CAPN2: variants seen among roughly 807,000 people sequenced by gnomAD.
CAPN2 encodes the protein calpain-2 catalytic subunit.
CAPN2 carries 92 observed loss-of-function variants against 102.3 expected under a neutral mutation model. The observed-to-expected ratio is 0.90, with a 90% CI of 0.76 to 1.07. The LOEUF (loss-of-function observed/expected upper bound fraction) is 1.07. Ranked by LOEUF, CAPN2 falls within the 50% of genes least tolerant of loss-of-function variation. CAPN2 has a pLI of 0.00. For missense variants in CAPN2, 800 were observed against 909.4 expected (o/e 0.88, Z 1.55); for synonymous variants, 340 against 355.4 (o/e 0.96, Z 0.49).
intron 20 of CAPN2, among the ~76,000 whole-genome samples, 155 bp from the exon 21 acceptor site, chr1:223,774,679 A>AAATC (rs1558082046): frequency 6.6e-6 from 1 of 152,254 alleles, no homozygotes; most frequent in African/African-American, 2.4e-5. Flanking sequence ...TAGACTCTAG[A>AAATC]AATCAGGTAA....
rs367779420 is a variant in CAPN2, at chr1:223,731,455, C to T, written c.308-12645C>T. Among the ~76,000 whole-genome samples the T allele has an allele frequency of 9.9e-5, 15 of 152,050 alleles. No homozygotes were observed. Among genetic ancestry groups the T allele is most frequent in the African/African-American group, 3.6e-4 (15 of 41,394 alleles). ...CCCTGCTCTTCCTCACCCAGCTCCC[C>T]GCTCTAAGCCTTCCTCGCCCACCCC... On this transcript the variant is annotated intron_variant, in intron 2 of 20. Transcript: ENST00000295006. The surrounding 1 kb of genome is among the most constrained non-coding windows in gnomAD (Gnocchi z 4.2).
intron 2 of CAPN2, among the ~76,000 whole-genome samples, chr1:223,735,947 T>G (rs1321269351): frequency 6.6e-6 from 1 of 152,174 alleles, no homozygotes; most frequent in Non-Finnish European, 1.5e-5. Context: ...GCTCAGCTAA[T>G]TTTTGTATCT....
In CAPN2 at chr1:223,775,657, AC is replaced by A. The variant is rs1218447014; in HGVS notation, c.*802del. 6.6e-6 allele frequency: 1 copy of A among 152,614 alleles called. No homozygotes were observed. Among genetic ancestry groups the A allele is most frequent in the Non-Finnish European group, 1.5e-5 (1 of 68,024 alleles). 9.5% of individuals were successfully genotyped at this position (152,614 alleles called of 1,614,324 possible). A position where few individuals can be genotyped will look rare whatever the true frequency, so the allele number is the denominator to read the frequency against. On this transcript the variant is annotated 3_prime_UTR_variant, in exon 21 of 21. Transcript: ENST00000295006. ...ACCTCAAAACTTTATGAACTTCACC[AC>A]CACTAGTGTCTGTCCATGGAGTTAG...
In CAPN2 at chr1:223,751,064, A is replaced by G. The variant is rs1418538739; in HGVS notation, c.899+89A>G. On this transcript the variant is annotated intron_variant, in intron 7 of 20. Transcript: ENST00000295006. ...GAGGGCGAGAGAAGAAGACATGTGC[A>G]TTATTCTGAGAAATATAGCCAGGAG... 11 of 1,142,002 alleles carry G rather than the reference A, an allele frequency of 9.6e-6. No individual in the cohort carries two copies. In the East Asian group the frequency reaches 1.3e-4, roughly 13 times the overall value. 70.7% of individuals were successfully genotyped at this position (1,142,002 alleles called of 1,614,324 possible). A position where few individuals can be genotyped will look rare whatever the true frequency, so the allele number is the denominator to read the frequency against.
chr1:223,750,802 C>G (rs780583710), intron 6 of CAPN2, 88 bp from the exon 7 acceptor site: 131 of 1,231,188 alleles, frequency 1.1e-4, no homozygotes, highest in Non-Finnish European at 1.4e-4. Context: ...TACCTCCTGG[C>G]TCATGCGGAA....
At position 223,775,055 on chromosome 1, in the gene CAPN2, CATT is replaced by C. The variant is rs1661580702; in HGVS notation, c.*201_*203del. 4 of 591,972 alleles carry C rather than the reference CATT, an allele frequency of 6.8e-6. No individual in the cohort carries two copies. Among genetic ancestry groups the C allele is most frequent in the Admixed American group, 3.1e-5 (1 of 31,770 alleles). 36.7% of individuals were successfully genotyped at this position (591,972 alleles called of 1,614,324 possible). On this transcript the variant is annotated 3_prime_UTR_variant, in exon 21 of 21. Coordinates refer to ENST00000295006, the MANE Select transcript of CAPN2 (RefSeq NM_001748.5). ...ACATCAAAGTAAAAGATTTGCATAT[CATT>C]ATACTAAATGCAAATGAGTCGCTTA... is the stretch of plus-strand genomic sequence containing the variant.
At chr1:223,762,337 AGGG>A in intron 14 of CAPN2, 86 bp downstream of exon 14, 1 of 1,079,686 alleles carries the variant, frequency 9.3e-7, no homozygotes, top group South Asian at 1.3e-5. Context: ...TTTAGTTTAA[AGGG>A]GAGAGGAAAC....
In CAPN2 at chr1:223,737,389, C is replaced by T. The variant is rs182515421; in HGVS notation, c.308-6711C>T. 2.6e-3 allele frequency among the ~76,000 whole-genome samples: 400 copies of T among 152,258 alleles called. 1 individual carries two copies. Among genetic ancestry groups the T allele is most frequent in the African/African-American group, 9.3e-3 (385 of 41,532 alleles). Reference sequence around the variant, plus strand: ...CTCCAGGCAGGGCCTCATCTGCTGCCGTTAGTAATAAACATGGCCAGCAAC... The same window carrying T: ...CTCCAGGCAGGGCCTCATCTGCTGCTGTTAGTAATAAACATGGCCAGCAAC... On this transcript the variant is annotated intron_variant, in intron 2 of 20. Transcript: ENST00000295006.
chr1:223,758,952 A>G (rs1225912422), intron 11 of CAPN2: 1 of 364,478 alleles, frequency 2.7e-6, no homozygotes, highest in Non-Finnish European at 5.2e-6. Context: ...CAGCCTCCCA[A>G]AGTGCTGGTA....
Position 223,759,057 on chromosome 1 carries a change from T to C in CAPN2, c.1318-213T>C, listed in dbSNP as rs1661116582. ...GTACTGCTATTTTTTTAAAAAAATT[T>C]TGTTGTTTTGTTGTTGTTGTCGTCG... On this transcript the variant is annotated intron_variant, in intron 11 of 20. Coordinates refer to ENST00000295006, the MANE Select transcript of CAPN2 (RefSeq NM_001748.5). The surrounding 1 kb of genome is among the most constrained non-coding windows in gnomAD (Gnocchi z 4.6). 1.7e-6 allele frequency: 1 copy of C among 585,418 alleles called. No homozygotes were observed. Among genetic ancestry groups the C allele is most frequent in the Non-Finnish European group, 3.1e-6 (1 of 327,260 alleles). 36.3% of individuals were successfully genotyped at this position (585,418 alleles called of 1,614,324 possible).
intron 2 of CAPN2, among the ~76,000 whole-genome samples, chr1:223,718,545 G>A (rs35197527): frequency 4.3e-3 from 654 of 152,352 alleles, no homozygotes; most frequent in Non-Finnish European, 5.3e-3. Context: ...AATGGGGCCT[G>A]GCGCTGTTAT....
At chr1:223,768,034 G>A (rs1434462888) in intron 16 of CAPN2, among the ~76,000 whole-genome samples, 1 of 151,126 alleles carries the variant, frequency 6.6e-6, no homozygotes, top group Non-Finnish European at 1.5e-5. Context: ...TTTTGATGGG[G>A]TTGTTTGTTT....
chr1:223,722,344 G>A (rs1284510248), intron 2 of CAPN2, among the ~76,000 whole-genome samples: 1 of 118,456 alleles, frequency 8.4e-6, no homozygotes, highest in African/African-American at 3.3e-5. Flanking sequence ...CTAAAGTGCA[G>A]TAACAAAACC....
At chr1:223,730,772 C>T (rs1660319620) in intron 2 of CAPN2, among the ~76,000 whole-genome samples, 2 of 152,206 alleles carry the variant, frequency 1.3e-5, no homozygotes, top group Admixed American at 1.3e-4. Flanking sequence ...ACCTTGGAAT[C>T]CCCTTGACTA....
At chr1:223,761,094 A>G (rs552116523) in intron 12 of CAPN2, among the ~76,000 whole-genome samples, 30 of 152,366 alleles carry the variant, frequency 2.0e-4, no homozygotes, top group African/African-American at 6.0e-4. Context: ...CAGAACAAGT[A>G]GGCGATGATT....
intron 18 of CAPN2, 164 bp from the exon 19 acceptor site, chr1:223,771,641 AGAAG>A: frequency 1.6e-6 from 1 of 628,838 alleles, no homozygotes. Flanking sequence ...AAGAAACAGC[AGAAG>A]GTACTGGCTT....
intron 6 of CAPN2, chr1:223,749,442 T>A: frequency 2.2e-6 from 1 of 460,146 alleles, no homozygotes; most frequent in Non-Finnish European, 3.9e-6. Context: ...TGCATCTTCA[T>A]AGTGTTTTAT....
At position 223,755,618 on chromosome 1, in the gene CAPN2, A is replaced by T. The variant is rs775033372; in HGVS notation, c.1274A>T (p.Asp425Val). 26 of 1,608,784 alleles carry T rather than the reference A, an allele frequency of 1.6e-5. No individual in the cohort carries two copies. The highest frequency in any genetic ancestry group is 2.0e-5 in the Non-Finnish European group (24 of 1,177,612). Residue 425 changes from aspartate to valine, a missense_variant, in exon 10 of 21, where the codon GAC becomes GTC. Transcript: ENST00000295006. The surrounding 1 kb of genome is among the most constrained non-coding windows in gnomAD (Gnocchi z 4.1). ...CGGCGGCAGAGGAAGATGGGCGAGG[A>T]CATGCACACCATCGGCTTTGGCATC... The part of the protein sequence containing the change: ...HRRRQRKMGE[D>V]MHTIGFGIYE...
chr1:223,771,871 A>G lies in CAPN2; in HGVS notation c.1966A>G (p.Ile656Val). The change falls in exon 19 of 21, where the codon ATC (isoleucine) becomes GTC (valine). Residue 656 changes from isoleucine (I) to valine (V), a missense_variant. Transcript: ENST00000295006. ...IVARFADDQL[I>V]IDFDNFVRCL... The stretch of plus-strand genomic sequence containing the variant: ...TGCTCGGTTTGCAGATGACCAGCTC[A>G]TCATCGATTTTGATAATTTTGTTCG... The G allele has an allele frequency of 1.2e-6, 2 of 1,613,298 alleles. No individual in the cohort carries two copies. The highest frequency in any genetic ancestry group is 1.7e-6 in the Non-Finnish European group (2 of 1,179,200).
Sources: allele counts gnomAD v4.1 joint callset (sites outside exome capture counted in the v4.1 genomes callset), GRCh38; gene constraint gnomAD v4.1.1; non-coding constraint Gnocchi (gnomAD v3.1); transcripts MANE v1.5; gene names NCBI Gene and HGNC (gene_info 2026-07-23, HGNC 2026-07-21).